The following BRAF variants were observed in gnomAD, a reference collection of about 807,000 sequenced individuals.
BRAF encodes serine/threonine-protein kinase B-raf.
BRAF carries 16 observed loss-of-function variants against 104.6 expected under a neutral mutation model. The observed-to-expected ratio is 0.15, with a 90% CI of 0.10 to 0.23. The LOEUF is 0.23. BRAF is among the 10% of genes least tolerant of loss of function. The probability of loss-of-function intolerance (pLI) is 1.00; values close to 1 mark genes in which losing one functional copy is unlikely to be tolerated. For synonymous variants in BRAF, 310 were observed against 341.6 expected (o/e 0.91, Z 1.02); for missense variants, 541 against 937.3 (o/e 0.58, Z 5.52).
intron 16 of BRAF, among the ~76,000 whole-genome samples, chr7:140,752,072 G>T (rs886201760): frequency 3.3e-5 from 5 of 152,092 alleles, no homozygotes; most frequent in African/African-American, 1.2e-4. Flanking sequence ...ATTTAATGGA[G>T]AAATTAAACT....
At chr7:140,913,118 C>T (rs1445425487) in intron 1 of BRAF, among the ~76,000 whole-genome samples, 1 of 152,186 alleles carries the variant, frequency 6.6e-6, no homozygotes, top group Admixed American at 6.5e-5. Context: ...CCTGACCTCC[C>T]TATTTAAATT....
At chr7:140,756,502 G>A (rs917784807) in intron 14 of BRAF, among the ~76,000 whole-genome samples, 17 of 151,726 alleles carry the variant, frequency 1.1e-4, no homozygotes, top group African/African-American at 2.7e-4. Flanking sequence ...ACACTAAAAC[G>A]TAATTTCCTA....
At chr7:140,732,886 C>T (rs746201154) in intron 19 of BRAF, 8 of 152,154 alleles carry the variant, frequency 5.3e-5, no homozygotes, top group East Asian at 1.9e-4. Flanking sequence ...TAGTTACATG[C>T]TTGCTAGTCT....
At chr7:140,792,543 C>A (rs1348430591) in intron 8 of BRAF, among the ~76,000 whole-genome samples, 1 of 152,158 alleles carries the variant, frequency 6.6e-6, no homozygotes, top group Non-Finnish European at 1.5e-5. Flanking sequence ...CTTTCCTAAC[C>A]CCCTTATGTA....
chr7:140,906,846 T>C (rs1471416263), intron 1 of BRAF, among the ~76,000 whole-genome samples: 1 of 152,242 alleles, frequency 6.6e-6, no homozygotes, highest in African/African-American at 2.4e-5. Context: ...TTCAAGACTT[T>C]TCTCCTTGTA....
At chr7:140,801,383 T>C in intron 6 of BRAF, 29 bp downstream of exon 6, 1 of 1,611,428 alleles carries the variant, frequency 6.2e-7, no homozygotes, top group Non-Finnish European at 8.5e-7. Flanking sequence ...AAATGGTAGG[T>C]AGAAAAGAGA....
intron 5 of BRAF, among the ~76,000 whole-genome samples, chr7:140,802,401 ATTCTCCTGCTTCAGC>A (rs1471226943): frequency 1.3e-4 from 18 of 143,330 alleles, no homozygotes; most frequent in Non-Finnish European, 2.5e-4. Flanking sequence ...GGTTCAAGTG[ATTCTCCTGCTTCAGC>A]CTCCCGAGCA....
At chr7:140,760,285 C>T (rs183550400) in intron 14 of BRAF, among the ~76,000 whole-genome samples, 1 of 152,100 alleles carries the variant, frequency 6.6e-6, no homozygotes, top group Admixed American at 6.6e-5. Flanking sequence ...TGGTGGTGTG[C>T]ACCTGTAATC....
chr7:140,787,986 G>C (rs367992109), intron 8 of BRAF, among the ~76,000 whole-genome samples: 10 of 152,090 alleles, frequency 6.6e-5, no homozygotes, highest in East Asian at 5.8e-4. Context: ...CCTGTTGGAG[G>C]GTGGATGGTA....
intron 18 of BRAF, 76 bp downstream of exon 17, chr7:140,739,736 G>A (rs2130897777): frequency 6.5e-7 from 1 of 1,547,264 alleles, no homozygotes; most frequent in Non-Finnish European, 8.9e-7. Context: ...TACACACTGT[G>A]TGCCCAAAAA....
In BRAF at chr7:140,807,582, CT is replaced by C. The variant is rs1803792425; in HGVS notation, c.711+377del. On this transcript the variant is annotated intron_variant, in intron 5 of 19. Coordinates refer to ENST00000644969, the MANE Select transcript of BRAF (RefSeq NM_001374258.1). ...AGAGAGAAAAAAAGAAAGGAAAAAACTTTAGGCTTACAGGTACAAGCACACG... is the reference window on the plus strand; with the variant it reads ...AGAGAGAAAAAAAGAAAGGAAAAAACTTAGGCTTACAGGTACAAGCACACG... Among the ~76,000 whole-genome samples the C allele has an allele frequency of 2.0e-5, 3 of 151,784 alleles. 1 individual carries two copies. In the South Asian group the frequency reaches 6.2e-4, roughly 32 times the overall value.
intron 17 of BRAF, among the ~76,000 whole-genome samples, chr7:140,743,257 T>C (rs1418081684): frequency 6.6e-6 from 1 of 151,414 alleles, no homozygotes; most frequent in Admixed American, 6.6e-5. Flanking sequence ...CATGCTGCTA[T>C]AAAGACACAT....
Position 140,924,472 on chromosome 7 carries a change from C to A in BRAF, c.138+94G>T, listed in dbSNP as rs894813799. 5.3e-6 allele frequency: 8 copies of A among 1,508,408 alleles called. No homozygotes were observed. Among genetic ancestry groups the A allele is most frequent in the African/African-American group, 4.2e-5 (3 of 71,882 alleles). 93.4% of individuals were successfully genotyped at this position (1,508,408 alleles called of 1,614,324 possible). On this transcript the variant is annotated intron_variant, in intron 1 of 19. Coordinates refer to ENST00000644969, the MANE Select transcript of BRAF (RefSeq NM_001374258.1). This position sits in a 1 kb window ranked among gnomAD's most constrained non-coding sequence, Gnocchi z 4.2. ...GCTGGCCCGAGAAGGTGGCTGAGGG[C>A]ATCAAGCCCCCACCGCCGCCTCTTT... is the stretch of plus-strand genomic sequence containing the variant.
chr7:140,804,595 T>C (rs181518685), intron 5 of BRAF, among the ~76,000 whole-genome samples: 1 of 152,130 alleles, frequency 6.6e-6, no homozygotes, highest in African/African-American at 2.4e-5. Context: ...AGTGCTGGGA[T>C]TACAGGCGTG....
chr7:140,812,162 G>GT (rs761719631), intron 3 of BRAF, among the ~76,000 whole-genome samples: 3 of 122,566 alleles, frequency 2.4e-5, no homozygotes, highest in African/African-American at 1.0e-4. Context: ...ATGCACACCT[G>GT]TGTGTGTGTG....
At chr7:140,716,455 T>C (rs957463956), downstream of BRAF, among the ~76,000 whole-genome samples, 1 of 152,188 alleles carries the variant, frequency 6.6e-6, no homozygotes, top group Non-Finnish European at 1.5e-5. Flanking sequence ...CCATTGGACC[T>C]AAGCTAAGTG....
At chr7:140,806,461 T>A (rs990805778) in intron 5 of BRAF, among the ~76,000 whole-genome samples, 2 of 152,118 alleles carry the variant, frequency 1.3e-5, no homozygotes, top group Non-Finnish European at 2.9e-5. Flanking sequence ...TCCAACTGAG[T>A]GGTGACAATT....
At chr7:140,716,292 A>G (rs918799242), downstream of BRAF, among the ~76,000 whole-genome samples, 1 of 152,178 alleles carries the variant, frequency 6.6e-6, no homozygotes, top group Non-Finnish European at 1.5e-5. Flanking sequence ...TTTGCTTGCT[A>G]TGAGTTTGGG....
intron 7 of BRAF, chr7:140,799,078 T>A (rs1802812581): frequency 5.5e-6 from 1 of 181,692 alleles, no homozygotes; most frequent in African/African-American, 2.4e-5. Context: ...GGTCTCGAAC[T>A]CCTGACCTCG....
Sources: gnomAD v4.1 joint callset for allele counts (sites outside exome capture counted in the v4.1 genomes callset) on GRCh38, gnomAD v4.1.1 for gene constraint, Gnocchi (gnomAD v3.1) non-coding constraint, MANE v1.5 for transcripts, NCBI Gene and HGNC (gene_info 2026-07-23, HGNC 2026-07-21) for gene names.